The following OBSL1 variants were observed in gnomAD, a reference collection of about 807,000 sequenced individuals.
The protein encoded by OBSL1 is obscurin like cytoskeletal adaptor 1.
In OBSL1, 160 loss-of-function variants were observed where a neutral mutation model predicts 172.0. The ratio of observed to expected loss-of-function variants is 0.93; its 90% CI spans 0.82 to 1.06. The LOEUF is 1.06. Among genes scored for constraint, OBSL1 ranks in the 50% least tolerant of loss-of-function variants. OBSL1 has a pLI of 0.00. For synonymous variants in OBSL1, 1,200 were observed against 1,196.3 expected (o/e 1.00, Z -0.06); for missense variants, 2,681 against 2,715.4 (o/e 0.99, Z 0.28).
intron 9 of OBSL1, 112 bp from the exon 10 acceptor site, chr2:219,558,571 C>T: frequency 8.0e-7 from 1 of 1,245,926 alleles, no homozygotes; most frequent in Non-Finnish European, 1.1e-6. Flanking sequence ...GAGAACAGTG[C>T]CAGCTGCAGT....
In OBSL1 at chr2:219,570,413, C is replaced by T. The variant is rs559877831; in HGVS notation, c.820G>A (p.Glu274Lys). The T allele has an allele frequency of 1.2e-6, 2 of 1,613,344 alleles. No homozygotes were observed. Among genetic ancestry groups the T allele is most frequent in the Admixed American group, 1.7e-5 (1 of 60,018 alleles). Residue 274 changes from glutamate to lysine, a missense_variant, in exon 1 of 21, where the codon GAG (glutamate) becomes AAG (lysine). Physicochemically the swap from Glu to Lys is moderately conservative, Grantham distance 56 (BLOSUM62 1). This residue lies in a region of OBSL1 where 706 missense variants were observed against 695.8 expected (regional missense o/e 1.01). Transcript: ENST00000404537. ...KFRCYVMGKP[E>K]PEIEWHWEGR... is the part of the protein sequence containing the mutation. The stretch of plus-strand genomic sequence containing the variant: ...TCCCAGTGCCATTCGATCTCGGGCT[C>T]GGGCTTGCCCATCACGTAGCAGCGG...
Position 219,551,655 on chromosome 2 carries a change from T to A in OBSL1, c.5557A>T (p.Lys1853Ter). Residue 1853 changes from lysine to a stop codon, truncating the protein, a stop_gained, in exon 20 of 21, where the codon AAG becomes TAG. Coordinates refer to ENST00000404537, the MANE Select transcript of OBSL1 (RefSeq NM_015311.3). LOFTEE classifies it high-confidence loss of function. ...REGAELCPGD[K>*]YEMRSHGPTH... is the part of the protein sequence containing the mutation. Reference sequence around the variant, plus strand: ...GGGCCGTGGCTGCGCATCTCATACTTATCTCCCGGGCACAGCTCGGCCCCC... The same window carrying A: ...GGGCCGTGGCTGCGCATCTCATACTAATCTCCCGGGCACAGCTCGGCCCCC... 6.2e-7 allele frequency: 1 copy of A among 1,611,832 alleles called. No individual in the cohort carries two copies. The highest frequency in any genetic ancestry group is 8.5e-7 in the Non-Finnish European group (1 of 1,179,332).
chr2:219,549,862 T>A (rs767412536), downstream of OBSL1: 2 of 1,613,224 alleles, frequency 1.2e-6, no homozygotes, highest in East Asian at 4.5e-5. Flanking sequence ...TAGCCATATC[T>A]GTCTGTCTAG....
Position 219,559,211 on chromosome 2 carries a change from C to A in OBSL1, c.3226+14G>T. On this transcript the variant is annotated intron_variant, in intron 9 of 20. Coordinates refer to ENST00000404537, the MANE Select transcript of OBSL1 (RefSeq NM_015311.3). Reference sequence around the variant, plus strand: ...ACCTCTCTACCTCCTCTCTGTGCTGCAGAGACTGCCCACCTGTGACAGTGA... The same window carrying A: ...ACCTCTCTACCTCCTCTCTGTGCTGAAGAGACTGCCCACCTGTGACAGTGA... 1 of 1,588,434 alleles carries A rather than the reference C, an allele frequency of 6.3e-7. No individual in the cohort carries two copies. Among genetic ancestry groups the A allele is most frequent in the Non-Finnish European group, 8.6e-7 (1 of 1,164,366 alleles).
At chr2:219,549,408 T>C, downstream of OBSL1, 4 of 1,573,402 alleles carry the variant, frequency 2.5e-6, no homozygotes, top group South Asian at 1.2e-5. Flanking sequence ...GGAAACTCTT[T>C]CCAAACAGGA....
intron 5 of OBSL1, among the ~76,000 whole-genome samples, chr2:219,565,721 G>A (rs770123533): frequency 2.4e-4 from 37 of 152,278 alleles, no homozygotes; most frequent in Non-Finnish European, 3.1e-4. Flanking sequence ...TCCCAAGCAC[G>A]CAGGGGCCAG....
At chr2:219,559,194 A>G in intron 9 of OBSL1, 31 bp downstream of exon 9, 1 of 1,565,178 alleles carries the variant, frequency 6.4e-7, no homozygotes, top group Non-Finnish European at 8.7e-7. Flanking sequence ...CTACCTCTCT[A>G]CCTCCTCTCT....
rs1289868589 is a variant in OBSL1 at position 219,568,133 on chromosome 2, G to T, written c.1204C>A (p.Leu402Met). 2 of 1,613,838 alleles carry T rather than the reference G, an allele frequency of 1.2e-6. No individual in the cohort carries two copies. Among genetic ancestry groups the T allele is most frequent in the South Asian group, 2.2e-5 (2 of 91,080 alleles). ...TAGATACCATCATCGTCTGCCTTCA[G>T]CCTGTGGATGATGAGGCGCCGGACA... Reference protein sequence around the residue: ...GTVRRLIIHRLKADDDGIYLC... With the variant: ...GTVRRLIIHRMKADDDGIYLC... Residue 402 changes from leucine to methionine, a missense_variant, in exon 2 of 21, where the codon CTG becomes ATG. Transcript: ENST00000404537. The surrounding 1 kb of genome is among the most constrained non-coding windows in gnomAD (Gnocchi z 4.1).
chr2:219,556,367 C>G, intron 13 of OBSL1, 75 bp from the exon 14 acceptor site: 1 of 1,583,494 alleles, frequency 6.3e-7, no homozygotes, highest in South Asian at 1.2e-5. Flanking sequence ...ACTGGTCTGT[C>G]CCTAGGTGGA....
chr2:219,565,543 C>A, intron 5 of OBSL1, 29 bp from the exon 6 acceptor site: 1 of 1,593,300 alleles, frequency 6.3e-7, no homozygotes, highest in Non-Finnish European at 8.5e-7. Flanking sequence ...AGATAAGCAC[C>A]CCTCCCTCCG....
chr2:219,556,934 C>T, intron 12 of OBSL1: 1 of 558,438 alleles, frequency 1.8e-6, no homozygotes, highest in Non-Finnish European at 3.1e-6. Context: ...TAGCCTAGCA[C>T]CCCACCTTGG....
chr2:219,547,261 C>T, downstream of OBSL1: 1 of 398,144 alleles, frequency 2.5e-6, no homozygotes, highest in Non-Finnish European at 4.4e-6. Context: ...AATACATCAA[C>T]CCTCATGATC....
At chr2:219,557,666 T>C in intron 11 of OBSL1, 48 bp from the exon 12 acceptor site, 1 of 1,508,738 alleles carries the variant, frequency 6.6e-7, no homozygotes, top group South Asian at 1.3e-5. Context: ...GCTCAGGGCT[T>C]TGAGGAGGGC....
chr2:219,552,519 T>C lies in OBSL1; in HGVS notation c.5308+17A>G. On this transcript the variant is annotated intron_variant, in intron 18 of 20. Transcript: ENST00000404537. ...CGGGGCAGCGAGGGGCCCGAAAGGG[T>C]AACCAGGCGGGCAGACCTTCCTGTC... is the stretch of plus-strand genomic sequence containing the variant. 6.3e-7 allele frequency: 1 copy of C among 1,589,012 alleles called. No homozygotes were observed.
At position 219,571,126 on chromosome 2, in the gene OBSL1, A is replaced by T; in HGVS notation, c.107T>A (p.Leu36Gln). Residue 36 changes from leucine to glutamine, a missense_variant, in exon 1 of 21, where the codon CTG becomes CAG. Around this residue, in one of 5 missense-constraint regions of OBSL1, gnomAD observed 90 missense variants for 76.6 expected, o/e 1.18. Coordinates refer to ENST00000404537, the MANE Select transcript of OBSL1 (RefSeq NM_015311.3). ...CACCACTACAGGCGGCGGCTCCCCC[A>T]GGACCACGCACTTGAGCTCGGCCTC... ...GAEAELKCVV[L>Q]GEPPPVVVWE... is the part of the protein sequence containing the mutation. 6.8e-7 allele frequency: 1 copy of T among 1,479,192 alleles called. No homozygotes were observed. Among genetic ancestry groups the T allele is most frequent in the Non-Finnish European group, 8.9e-7 (1 of 1,120,240 alleles). 91.6% of individuals were successfully genotyped at this position (1,479,192 alleles called of 1,614,324 possible).
rs1249251036 is a variant in OBSL1, at chr2:219,563,523, C to A, written c.2512G>T (p.Val838Leu). 1.9e-6 allele frequency: 3 copies of A among 1,613,860 alleles called. No homozygotes were observed. The African/African-American group carries it at 4.0e-5, about 22-fold the overall frequency. The change falls in exon 7 of 21, where the codon GTG becomes TTG. Residue 838 changes from valine (V) to leucine (L), a missense_variant. Physicochemically the swap from Val to Leu is conservative, Grantham distance 32 (BLOSUM62 1). Coordinates refer to ENST00000404537, the MANE Select transcript of OBSL1 (RefSeq NM_015311.3). Reference protein sequence around the residue: ...ACEVDREDAPVRWYKDGQEVE... With the variant: ...ACEVDREDAPLRWYKDGQEVE... ...TCCTGCCCGTCCTTGTACCAACGCA[C>A]AGGGGCGTCCTCTCGGTCCACCTCA...
chr2:219,563,166 G>A, intron 7 of OBSL1, 189 bp downstream of exon 7: 2 of 596,434 alleles, frequency 3.4e-6, no homozygotes, highest in Non-Finnish European at 5.7e-6. Context: ...CAAGACCAAT[G>A]TGCTTATGAT....
chr2:219,565,683 G>A (rs1287008561), intron 5 of OBSL1, among the ~76,000 whole-genome samples, 169 bp from the exon 6 acceptor site: 1 of 152,158 alleles, frequency 6.6e-6, no homozygotes, highest in Non-Finnish European at 1.5e-5. Flanking sequence ...TTCCTAGGGA[G>A]CCTGCTAAAA....
Position 219,553,569 on chromosome 2 carries a change from C to T in OBSL1, c.4989+5G>A, listed in dbSNP as rs866308700. ...AAGTGGGCTTGGCTGGGGCTGGGAT[C>T]TGACCTTCTCCCAGGTAACATCAGC... On this transcript the variant is annotated splice_donor_5th_base_variant and intron_variant, in intron 16 of 20. Transcript: ENST00000404537. The T allele has an allele frequency of 1.1e-5, 17 of 1,608,730 alleles. No individual in the cohort carries two copies. The Middle Eastern group carries it at 1.2e-3, about 109-fold the overall frequency.
Sources: allele counts gnomAD v4.1 joint callset (sites outside exome capture counted in the v4.1 genomes callset), GRCh38; gene constraint gnomAD v4.1.1; regional missense constraint gnomAD v4.1.1; non-coding constraint Gnocchi (gnomAD v3.1); transcripts MANE v1.5; gene names NCBI Gene and HGNC (gene_info 2026-07-23, HGNC 2026-07-21).